DLGAP2: variants seen among roughly 807,000 people sequenced by gnomAD.
DLGAP2 encodes disks large-associated protein 2.
Under a neutral mutation model 100.3 loss-of-function variants are expected in DLGAP2, and 26 were observed. The ratio of observed to expected loss-of-function variants is 0.26; its 90% CI spans 0.19 to 0.36. The LOEUF (loss-of-function observed/expected upper bound fraction) is 0.36. Ranked by LOEUF, DLGAP2 falls within the 10% of genes least tolerant of loss-of-function variation. DLGAP2 has a pLI of 1.00. For missense variants in DLGAP2, 1,858 were observed against 1,453.2 expected (o/e 1.28, Z -4.53); for synonymous variants, 886 against 630.1 (o/e 1.41, Z -6.08).
intron 6 of DLGAP2, among the ~76,000 whole-genome samples, chr8:1,598,353 T>C (rs1299801192): frequency 1.3e-5 from 2 of 152,216 alleles, no homozygotes; most frequent in African/African-American, 2.4e-5. Flanking sequence ...TGCCAGGTTG[T>C]GGTATCAGGA....
At chr8:1,355,010 G>T (rs995865084) in intron 3 of DLGAP2, among the ~76,000 whole-genome samples, 1 of 149,992 alleles carries the variant, frequency 6.7e-6, no homozygotes, top group Non-Finnish European at 1.5e-5. Flanking sequence ...GATGAGGGTG[G>T]AAAGTCACGG....
At chr8:1,654,172 C>A (rs1048710061) in intron 8 of DLGAP2, among the ~76,000 whole-genome samples, 2 of 152,148 alleles carry the variant, frequency 1.3e-5, no homozygotes, top group African/African-American at 2.4e-5. Flanking sequence ...AATTAGGTGT[C>A]CCGTGTACGC....
intron 2 of DLGAP2, among the ~76,000 whole-genome samples, chr8:1,069,400 T>G (rs1202430777): frequency 6.6e-6 from 1 of 152,174 alleles, no homozygotes; most frequent in African/African-American, 2.4e-5. Context: ...TCCCATGCCC[T>G]GGGTCCTCCG....
chr8:1,572,775 GA>G (rs1156342022), intron 6 of DLGAP2, among the ~76,000 whole-genome samples: 1 of 83,776 alleles, frequency 1.2e-5, no homozygotes, highest in Admixed American at 1.2e-4. Flanking sequence ...AGAGAGGGGT[GA>G]ACTGTGGGGG....
intron 4 of DLGAP2, among the ~76,000 whole-genome samples, chr8:1,526,534 T>C (rs1264533547): frequency 6.6e-6 from 1 of 152,194 alleles, no homozygotes; most frequent in African/African-American, 2.4e-5. Flanking sequence ...TTACAATCAT[T>C]TGAACAAGCA....
chr8:1,321,270 G>T (rs543862643), intron 3 of DLGAP2, among the ~76,000 whole-genome samples: 1 of 151,928 alleles, frequency 6.6e-6, no homozygotes, highest in Non-Finnish European at 1.5e-5. Flanking sequence ...TGCCATGTGC[G>T]TGTGCGTGCA....
intron 3 of DLGAP2, among the ~76,000 whole-genome samples, chr8:1,426,899 A>G (rs1057102901): frequency 1.1e-5 from 1 of 93,948 alleles, no homozygotes; most frequent in Non-Finnish European, 2.8e-5. Flanking sequence ...TGAAAGGGGA[A>G]AAAAATAACA....
intron 2 of DLGAP2, among the ~76,000 whole-genome samples, chr8:1,013,057 C>T (rs1011308627): frequency 4.6e-5 from 7 of 152,148 alleles, no homozygotes. Context: ...CTGGGGTCTC[C>T]ATGCTTCCAG....
intron 1 of DLGAP2, among the ~76,000 whole-genome samples, chr8:761,117 C>G (rs577377044): frequency 6.6e-6 from 1 of 152,184 alleles, no homozygotes; most frequent in Non-Finnish European, 1.5e-5. Flanking sequence ...TCCCTTTCGT[C>G]TCTGCCCGGA....
At chr8:1,232,851 AGT>A (rs1387451185) in intron 2 of DLGAP2, among the ~76,000 whole-genome samples, 3 of 152,192 alleles carry the variant, frequency 2.0e-5, no homozygotes, top group Non-Finnish European at 4.4e-5. Flanking sequence ...AGTGGCTTTT[AGT>A]GTGTTTGCAC....
intron 1 of DLGAP2, among the ~76,000 whole-genome samples, chr8:906,236 T>G (rs903255192): frequency 1.1e-4 from 17 of 152,170 alleles, no homozygotes; most frequent in African/African-American, 3.1e-4. Context: ...CTCTGGCTGT[T>G]AATGGGACGT....
intron 1 of DLGAP2, among the ~76,000 whole-genome samples, chr8:862,434 C>T (rs374873399): frequency 2.6e-5 from 4 of 152,034 alleles, no homozygotes; most frequent in African/African-American, 9.7e-5. Context: ...TCCCGAGTAG[C>T]TGAGACTACA....
intron 3 of DLGAP2, among the ~76,000 whole-genome samples, chr8:1,468,279 G>T (rs892666848): frequency 3.3e-5 from 5 of 151,952 alleles, no homozygotes; most frequent in Non-Finnish European, 7.4e-5. Flanking sequence ...GATCCGGGCT[G>T]GTCCTGAGTC....
chr8:1,472,249 A>G (rs532070867), intron 3 of DLGAP2, among the ~76,000 whole-genome samples: 3 of 152,166 alleles, frequency 2.0e-5, no homozygotes, highest in African/African-American at 7.2e-5. Context: ...GGGTTGAGCC[A>G]TGCGGTAGAG....
intron 2 of DLGAP2, among the ~76,000 whole-genome samples, chr8:1,116,761 A>G (rs34391762): frequency 3.0e-4 from 45 of 152,250 alleles, no homozygotes; most frequent in African/African-American, 1.0e-3. Context: ...TGATTGTGCC[A>G]CTGCACTCCA....
chr8:792,533 T>C (rs1795936087), intron 1 of DLGAP2, among the ~76,000 whole-genome samples: 1 of 152,242 alleles, frequency 6.6e-6, no homozygotes, highest in Non-Finnish European at 1.5e-5. Flanking sequence ...AATTACCTTT[T>C]ATCAAATTAA....
chr8:1,154,434 G>C (rs1200147082), intron 2 of DLGAP2, among the ~76,000 whole-genome samples: 1 of 152,112 alleles, frequency 6.6e-6, no homozygotes, highest in Non-Finnish European at 1.5e-5. Context: ...AAAGTAGTAG[G>C]TGTCACTCAC....
chr8:1,239,659 G>A (rs1352919330), intron 2 of DLGAP2, among the ~76,000 whole-genome samples: 26 of 13,176 alleles, frequency 2.0e-3, no homozygotes, highest in Non-Finnish European at 2.3e-3. Context: ...ACATGGTGCT[G>A]TGTCTAGTTC....
In DLGAP2 at chr8:1,702,464, G is replaced by A. The variant is rs1373469882; in HGVS notation, c.*1058G>A. 1 of 152,520 alleles carries A rather than the reference G, an allele frequency of 6.6e-6. No individual in the cohort carries two copies. The highest frequency in any genetic ancestry group is 6.5e-5 in the Admixed American group (1 of 15,278). The allele number at this position is 152,520 out of a possible 1,614,324, so 9.4% of individuals were successfully genotyped here. On this transcript the variant is annotated 3_prime_UTR_variant, in exon 15 of 15. Coordinates refer to ENST00000637795, the MANE Select transcript of DLGAP2 (RefSeq NM_001346810.2). ...GAATGTGAGTGGTAAGTATATCTCA[G>A]TTTAAATGGTAAAGAAGAAATGTAG...
Sources: allele counts gnomAD v4.1 joint callset (sites outside exome capture counted in the v4.1 genomes callset), GRCh38; gene constraint gnomAD v4.1.1; transcripts MANE v1.5; gene names NCBI Gene and HGNC (gene_info 2026-07-23, HGNC 2026-07-21).